Variants in GLS observed in about 807,000 individuals in gnomAD.
The protein encoded by GLS is glutaminase kidney isoform, mitochondrial.
GLS carries 36 observed loss-of-function variants against 86.7 expected under a neutral mutation model. That is an observed-to-expected ratio of 0.42 (90% CI 0.32 to 0.55). The LOEUF (loss-of-function observed/expected upper bound fraction) is 0.55. Ranked by LOEUF, GLS falls within the 20% of genes least tolerant of loss-of-function variation. The pLI is 0.17. For synonymous variants in GLS, 317 were observed against 305.9 expected, an observed-to-expected ratio of 1.04 and a Z score of -0.38; for missense variants, 528 against 833.4, an observed-to-expected ratio of 0.63 and a Z score of 4.51.
rs114544034 is a variant in GLS at position 190,935,454 on chromosome 2, T to C, written c.1650+3817T>C. On this transcript the variant is annotated intron_variant, in intron 14 of 17. Coordinates refer to ENST00000320717, the MANE Select transcript of GLS (RefSeq NM_014905.5). This position sits in a 1 kb window ranked among gnomAD's most constrained non-coding sequence, Gnocchi z 4.2. ...GCTGCCTCAAAGTAAACTAGAAATA[T>C]TCAAAAGGGCTTTATTTGATTTTTT... 0.033 allele frequency among the ~76,000 whole-genome samples: 4,928 copies of C among 151,400 alleles called. 136 individuals carry two copies. The highest frequency in any genetic ancestry group is 0.048 in the Non-Finnish European group (3,216 of 67,342).
In GLS at chr2:190,940,840, C is replaced by T. The variant is rs776003129; in HGVS notation, c.1650+9203C>T. Reference sequence around the variant, plus strand: ...ACCCAACCAATATCCAAGATTAGATCCCTCTATATAAATGAAAATGTATAA... The same window carrying T: ...ACCCAACCAATATCCAAGATTAGATTCCTCTATATAAATGAAAATGTATAA... On this transcript the variant is annotated intron_variant, in intron 14 of 17. Transcript: ENST00000320717. Among the ~76,000 whole-genome samples, 3 of 151,446 alleles carry T rather than the reference C, an allele frequency of 2.0e-5. No homozygotes were observed. In the East Asian group the frequency reaches 5.8e-4, roughly 29 times the overall value.
rs763896449 is a variant in GLS at position 190,881,451 on chromosome 2, C to T, written c.367C>T (p.Leu123=). ...DAFGNSEGKE[L]VASGENKIKQ... Reference sequence around the variant, plus strand: ...GTTTGGCAACAGCGAGGGCAAAGAGCTGGTGGCCTCAGGTGAAAAGTGAGT... The same window carrying T: ...GTTTGGCAACAGCGAGGGCAAAGAGTTGGTGGCCTCAGGTGAAAAGTGAGT... Residue 123 remains leucine, a synonymous_variant, in exon 1 of 18, where the codon CTG becomes TTG. Coordinates refer to ENST00000320717, the MANE Select transcript of GLS (RefSeq NM_014905.5). 5.2e-6 allele frequency: 8 copies of T among 1,542,070 alleles called. No homozygotes were observed. In the South Asian group the frequency reaches 9.5e-5, roughly 18 times the overall value.
In GLS at chr2:190,897,259, A is replaced by G. The variant is rs931185582; in HGVS notation, c.605+1534A>G. Among the ~76,000 whole-genome samples, 4 of 152,120 alleles carry G rather than the reference A, an allele frequency of 2.6e-5. No homozygotes were observed. Among genetic ancestry groups the G allele is most frequent in the Non-Finnish European group, 4.4e-5 (3 of 68,006 alleles). ...AGGCTGGTCTCGAACTCCTGACCTC[A>G]GGTAATCCATCCGCCTCGGCCTCCT... On this transcript the variant is annotated intron_variant, in intron 3 of 17. Coordinates refer to ENST00000320717, the MANE Select transcript of GLS (RefSeq NM_014905.5). This position sits in a 1 kb window ranked among gnomAD's most constrained non-coding sequence, Gnocchi z 4.3.
In GLS at chr2:190,895,532, A is replaced by G; in HGVS notation, c.484-72A>G. 9.2e-7 allele frequency: 1 copy of G among 1,092,386 alleles called. No individual in the cohort carries two copies. Among genetic ancestry groups the G allele is most frequent in the Non-Finnish European group, 1.3e-6 (1 of 757,668 alleles). 67.7% of individuals were successfully genotyped at this position (1,092,386 alleles called of 1,614,324 possible). A position where few individuals can be genotyped will look rare whatever the true frequency, so the allele number is the denominator to read the frequency against. On this transcript the variant is annotated intron_variant, in intron 2 of 17. Coordinates refer to ENST00000320717, the MANE Select transcript of GLS (RefSeq NM_014905.5). The surrounding 1 kb of genome is among the most constrained non-coding windows in gnomAD (Gnocchi z 4.2). Reference sequence around the variant, plus strand: ...AGAAGTTTTTATATACAGGAATAAAATCTTATAGTTGGTATAAGCATATAC... The same window carrying G: ...AGAAGTTTTTATATACAGGAATAAAGTCTTATAGTTGGTATAAGCATATAC...
rs1238281530 is a variant in GLS at position 190,938,772 on chromosome 2, C to T, written c.1650+7135C>T. Among the ~76,000 whole-genome samples the T allele has an allele frequency of 6.6e-6, 1 of 151,680 alleles. No individual in the cohort carries two copies. Among genetic ancestry groups the T allele is most frequent in the African/African-American group, 2.4e-5 (1 of 41,420 alleles). ...GTTAATGTGACTATAAGTTATTTGG[C>T]AGATGGTACCATCAGCATTTATTAA... On this transcript the variant is annotated intron_variant, in intron 14 of 17. Coordinates refer to ENST00000320717, the MANE Select transcript of GLS (RefSeq NM_014905.5). This position sits in a 1 kb window ranked among gnomAD's most constrained non-coding sequence, Gnocchi z 4.1.
chr2:190,891,603 A>C (rs1688564446), intron 1 of GLS, among the ~76,000 whole-genome samples: 1 of 152,170 alleles, frequency 6.6e-6, no homozygotes, highest in Non-Finnish European at 1.5e-5. Flanking sequence ...CAGACTGAGG[A>C]GTATGAATTC....
chr2:190,904,312 A>C (rs1463415545), intron 5 of GLS, among the ~76,000 whole-genome samples: 3 of 152,102 alleles, frequency 2.0e-5, no homozygotes, highest in Non-Finnish European at 4.4e-5. Flanking sequence ...AAGGTGAATA[A>C]TTTCTAAAAG....
In GLS at chr2:190,938,429, G is replaced by T. The variant is rs573189064; in HGVS notation, c.1650+6792G>T. The stretch of plus-strand genomic sequence containing the variant: ...TAAATTTATATTCTGTAAAACAGCC[G>T]AAGGCTTTCTTTTGTTTTTAAAACA... On this transcript the variant is annotated intron_variant, in intron 14 of 17. Coordinates refer to ENST00000320717, the MANE Select transcript of GLS (RefSeq NM_014905.5). The surrounding 1 kb of genome is among the most constrained non-coding windows in gnomAD (Gnocchi z 4.1). 6.6e-6 allele frequency among the ~76,000 whole-genome samples: 1 copy of T among 151,464 alleles called. No individual in the cohort carries two copies. Among genetic ancestry groups the T allele is most frequent in the South Asian group, 2.1e-4 (1 of 4,826 alleles).
rs1348141738 is a variant in GLS at position 190,880,914 on chromosome 2, A to AGCC, written c.-169_-168insCGC. 1.5e-5 allele frequency: 14 copies of AGCC among 938,332 alleles called. No individual in the cohort carries two copies. In the East Asian group the frequency reaches 4.2e-4, roughly 28 times the overall value. 58.1% of individuals were successfully genotyped at this position (938,332 alleles called of 1,614,324 possible). A position where few individuals can be genotyped will look rare whatever the true frequency, so the allele number is the denominator to read the frequency against. ...CAGCAGCAGCAGCAGCAGCAGCAGC[A>AGCC]GCAGCACCCGCATCCGCTGCGGGAG... On this transcript the variant is annotated 5_prime_UTR_variant, in exon 1 of 18. Transcript: ENST00000320717.
At chr2:190,882,737 G>T (rs909393252) in intron 1 of GLS, among the ~76,000 whole-genome samples, 4 of 152,214 alleles carry the variant, frequency 2.6e-5, no homozygotes, top group African/African-American at 9.7e-5. Flanking sequence ...GGTATTTTGT[G>T]ATGTTGGTTT....
At chr2:190,923,653 T>C (rs953314505) in intron 9 of GLS, among the ~76,000 whole-genome samples, 1 of 152,226 alleles carries the variant, frequency 6.6e-6, no homozygotes, top group Non-Finnish European at 1.5e-5. Context: ...TTAGCATTTT[T>C]GTTTACAAAA....
At position 190,881,473 on chromosome 2, in the gene GLS, G is replaced by A; in HGVS notation, c.386+3G>A. The A allele has an allele frequency of 6.5e-7, 1 of 1,538,314 alleles. No individual in the cohort carries two copies. Among genetic ancestry groups the A allele is most frequent in the South Asian group, 1.2e-5 (1 of 83,650 alleles). ...GAGCTGGTGGCCTCAGGTGAAAAGT[G>A]AGTGTCTCCGCGAGGCGCAGGAGGC... On this transcript the variant is annotated splice_donor_region_variant and intron_variant, in intron 1 of 17. Transcript: ENST00000320717.
intron 3 of GLS, among the ~76,000 whole-genome samples, chr2:190,899,265 A>G (rs960329645): frequency 2.6e-5 from 4 of 152,160 alleles, no homozygotes; most frequent in Non-Finnish European, 4.4e-5. Flanking sequence ...TGAAGTAAAT[A>G]TTTCTTAGCT....
In GLS at chr2:190,947,754, G is replaced by GA. The variant is rs1690614224; in HGVS notation, c.1651-5809dup. On this transcript the variant is annotated intron_variant, in intron 14 of 17. Transcript: ENST00000320717. This position sits in a 1 kb window ranked among gnomAD's most constrained non-coding sequence, Gnocchi z 5.0. ...TCAAGTATCCAGTGGGGAAATAGGG[G>GA]AATGAGCTTTGATCAATGGTTAGCA... Among the ~76,000 whole-genome samples, 1 of 152,172 alleles carries GA rather than the reference G, an allele frequency of 6.6e-6. No individual in the cohort carries two copies.
At position 190,921,653 on chromosome 2, in the gene GLS, TA is replaced by T. The variant is rs1425320126; in HGVS notation, c.1130+453del. On this transcript the variant is annotated intron_variant, in intron 9 of 17. Coordinates refer to ENST00000320717, the MANE Select transcript of GLS (RefSeq NM_014905.5). This position sits in a 1 kb window ranked among gnomAD's most constrained non-coding sequence, Gnocchi z 4.2. ...ATGTATACCTCTAAACACAAATATG[TA>T]AATATATATGTACATAGATTTTTTT... 5.3e-5 allele frequency among the ~76,000 whole-genome samples: 8 copies of T among 152,028 alleles called. No individual in the cohort carries two copies. Among genetic ancestry groups the T allele is most frequent in the African/African-American group, 1.7e-4 (7 of 41,434 alleles).
chr2:190,885,377 A>T (rs1168243749), intron 1 of GLS, among the ~76,000 whole-genome samples: 1 of 152,010 alleles, frequency 6.6e-6, no homozygotes, highest in African/African-American at 2.4e-5. Flanking sequence ...TTTAGTAGAG[A>T]TGGGGTTTCA....
chr2:190,907,600 G>A (rs1689202544), intron 6 of GLS, among the ~76,000 whole-genome samples: 1 of 152,054 alleles, frequency 6.6e-6, no homozygotes, highest in Non-Finnish European at 1.5e-5. Flanking sequence ...AGTTTTGGTA[G>A]GAGGTGGCTG....
rs1291680997 is a variant in GLS, at chr2:190,930,861, G to A, written c.1557+293G>A. Among the ~76,000 whole-genome samples the A allele has an allele frequency of 6.6e-6, 1 of 152,096 alleles. No homozygotes were observed. The highest frequency in any genetic ancestry group is 1.5e-5 in the Non-Finnish European group (1 of 68,010). ...AACAAAAGGTATTAAACTTGGAGAAGTAATTTAAAAGCCAGTATATCTTAA... is the reference window on the plus strand; with the variant it reads ...AACAAAAGGTATTAAACTTGGAGAAATAATTTAAAAGCCAGTATATCTTAA... On this transcript the variant is annotated intron_variant, in intron 13 of 17. Coordinates refer to ENST00000320717, the MANE Select transcript of GLS (RefSeq NM_014905.5). The surrounding 1 kb of genome is among the most constrained non-coding windows in gnomAD (Gnocchi z 5.0).
intron 14 of GLS, among the ~76,000 whole-genome samples, chr2:190,944,845 A>G (rs1517355): frequency 0.92 from 140,602 of 152,258 alleles, 64,982 homozygotes; most frequent in Non-Finnish European, 0.94. Flanking sequence ...TCTATTTGTC[A>G]TTTGTGATAT....
Sources: allele counts gnomAD v4.1 joint callset (sites outside exome capture counted in the v4.1 genomes callset), GRCh38; gene constraint gnomAD v4.1.1; non-coding constraint Gnocchi (gnomAD v3.1); transcripts MANE v1.5; gene names NCBI Gene and HGNC (gene_info 2026-07-23, HGNC 2026-07-21).